The following PARVG variants were observed in gnomAD, a reference collection of about 807,000 sequenced individuals.
PARVG encodes parvin gamma, also known as gamma-parvin.
Under a neutral mutation model 44.4 loss-of-function variants are expected in PARVG, and 36 were observed. That is an observed-to-expected ratio of 0.81 (90% CI 0.62 to 1.07). PARVG has a LOEUF of 1.07. Ranked by LOEUF, PARVG falls within the 50% of genes least tolerant of loss-of-function variation. The pLI is 0.00. For missense variants in PARVG, 407 were observed against 407.4 expected, an observed-to-expected ratio of 1.00 and a Z score of 0.01; for synonymous variants, 170 against 174.1, an observed-to-expected ratio of 0.98 and a Z score of 0.19.
At chr22:44,186,620 G>A (rs1289812034) in intron 4 of PARVG, 16 of 471,072 alleles carry the variant, frequency 3.4e-5, no homozygotes, top group Admixed American at 9.4e-5. Flanking sequence ...GACACCATCT[G>A]TGGTCTTGCC....
chr22:44,180,750 C>T (rs1175298583), upstream of PARVG: 1 of 162,614 alleles, frequency 6.1e-6, no homozygotes, highest in Admixed American at 6.5e-5. Flanking sequence ...TAAGTTTTGT[C>T]ATTTTTTATT....
chr22:44,203,911 C>T (rs1421592349), intron 12 of PARVG, among the ~76,000 whole-genome samples: 3 of 152,226 alleles, frequency 2.0e-5, no homozygotes, highest in South Asian at 2.1e-4. Flanking sequence ...GTGGTGCAAT[C>T]TTGGCTCACT....
At chr22:44,179,099 G>C (rs891885071), upstream of PARVG, among the ~76,000 whole-genome samples, 1 of 150,618 alleles carries the variant, frequency 6.6e-6, no homozygotes. The surrounding 1 kb of genome is among the most constrained non-coding windows in gnomAD (Gnocchi z 4.2). Flanking sequence ...TGGCATATTT[G>C]CACAGGTATA....
intron 5 of PARVG, chr22:44,188,117 T>C (rs2147224810): frequency 1.7e-6 from 1 of 574,348 alleles, no homozygotes; most frequent in Admixed American, 3.0e-5. Flanking sequence ...TGGTGCTCTT[T>C]CTACCACACC....
intron 13 of PARVG, 142 bp downstream of exon 13, chr22:44,205,971 C>T: frequency 9.6e-7 from 1 of 1,042,806 alleles, no homozygotes; most frequent in Non-Finnish European, 1.4e-6. Flanking sequence ...AGAATGGGCG[C>T]TTGCCAAGGT....
At chr22:44,191,080 C>T (rs1250664046) in intron 7 of PARVG, among the ~76,000 whole-genome samples, 1 of 152,200 alleles carries the variant, frequency 6.6e-6, no homozygotes, top group East Asian at 1.9e-4. Context: ...GTGAGATTAC[C>T]GATGGCTGTG....
intron 12 of PARVG, among the ~76,000 whole-genome samples, chr22:44,204,576 G>C (rs1481409834): frequency 6.6e-6 from 1 of 152,252 alleles, no homozygotes; most frequent in African/African-American, 2.4e-5. Context: ...GGGCCAGGCT[G>C]GCGTTTCTGG....
At chr22:44,174,574 CA>C (rs1227165195) in intron 1 of PARVG, among the ~76,000 whole-genome samples, 1 of 150,534 alleles carries the variant, frequency 6.6e-6, no homozygotes, top group African/African-American at 2.4e-5. Context: ...AAAAAACCCA[CA>C]AAAAATAAAA....
chr22:44,186,925 T>C (rs2054480470), intron 4 of PARVG: 1 of 319,470 alleles, frequency 3.1e-6, no homozygotes, highest in African/African-American at 2.2e-5. Context: ...CTGACAACCT[T>C]TAGTGAACAG....
chr22:44,202,943 C>T (rs1490509433), intron 12 of PARVG, among the ~76,000 whole-genome samples: 2 of 152,172 alleles, frequency 1.3e-5, no homozygotes, highest in African/African-American at 4.8e-5. Context: ...AGGATTTGCA[C>T]GTATCCTCCC....
chr22:44,179,738 G>A (rs1019616351), upstream of PARVG, among the ~76,000 whole-genome samples: 1 of 145,292 alleles, frequency 6.9e-6, no homozygotes, highest in Non-Finnish European at 1.5e-5. The surrounding 1 kb of genome is among the most constrained non-coding windows in gnomAD (Gnocchi z 4.2). Flanking sequence ...ATTGTTTCTG[G>A]TAACAAATCC....
rs772857994 is a variant in PARVG at position 44,196,442 on chromosome 22, G to A, written c.711+27G>A. ...TAGGGACTGAGCTGCGGCGTCCCCA[G>A]GCAGGGCAGGGCCACTGGCCGTAGG... On this transcript the variant is annotated intron_variant, in intron 11 of 13. Coordinates refer to ENST00000444313, the MANE Select transcript of PARVG (RefSeq NM_022141.7). 4.3e-6 allele frequency: 7 copies of A among 1,612,608 alleles called. No individual in the cohort carries two copies. In the African/African-American group the frequency reaches 9.3e-5, roughly 22 times the overall value.
intron 6 of PARVG, among the ~76,000 whole-genome samples, chr22:44,190,235 C>T (rs932293848): frequency 8.5e-5 from 13 of 152,184 alleles, no homozygotes; most frequent in African/African-American, 7.2e-5. Flanking sequence ...ATCTAATGAT[C>T]GTTCAGCCAG....
chr22:44,198,438 C>A (rs1413649972), intron 11 of PARVG, among the ~76,000 whole-genome samples, 183 bp from the exon 12 acceptor site: 1 of 152,252 alleles, frequency 6.6e-6, no homozygotes, highest in Non-Finnish European at 1.5e-5. Flanking sequence ...ATATACCAGG[C>A]AGCCTGAAAC....
Position 44,198,735 on chromosome 22 carries a change from A to G in PARVG, c.813+13A>G. The G allele has an allele frequency of 6.3e-7, 1 of 1,585,752 alleles. No individual in the cohort carries two copies. Among genetic ancestry groups the G allele is most frequent in the Non-Finnish European group, 8.7e-7 (1 of 1,154,066 alleles). ...TCCTGCAGAAATGGTAAGTTTTCCA[A>G]GGATTTTTCTTTATGGTCTACCTCT... On this transcript the variant is annotated intron_variant, in intron 12 of 13. Transcript: ENST00000444313.
chr22:44,185,809 A>T lies in PARVG; in HGVS notation c.81A>T (p.Gly27=), dbSNP rs1484941316. Residue 27 remains glycine (G), a splice_region_variant and synonymous_variant, in exon 4 of 14, where the codon GGA becomes GGT. Coordinates refer to ENST00000444313, the MANE Select transcript of PARVG (RefSeq NM_022141.7). ...EPPAEEELSK[G]GKKKYLPPTS... ...TTGTCATACCCACTCTGCTTCCAGG[A>T]GGAAAGAAGAAATACCTGCCACCCA... 1.2e-6 allele frequency: 2 copies of T among 1,613,026 alleles called. No individual in the cohort carries two copies. Among genetic ancestry groups the T allele is most frequent in the African/African-American group, 2.7e-5 (2 of 74,856 alleles).
chr22:44,198,590 A>G (rs371686426), intron 11 of PARVG, 31 bp from the exon 12 acceptor site: 67 of 1,538,586 alleles, frequency 4.4e-5, no homozygotes, highest in Non-Finnish European at 5.8e-5. Flanking sequence ...GGCTTCTTCC[A>G]TGTGATTGTC....
Position 44,206,583 on chromosome 22 carries a change from C to T in PARVG, c.*157C>T. On this transcript the variant is annotated 3_prime_UTR_variant, in exon 14 of 14. Coordinates refer to ENST00000444313, the MANE Select transcript of PARVG (RefSeq NM_022141.7). ...TCTCCATCGTTGGATTATCTTTGAA[C>T]CCCCTTGTGTGGATCATTTTGAGCC... 1.5e-6 allele frequency: 1 copy of T among 682,350 alleles called. No individual in the cohort carries two copies. Among genetic ancestry groups the T allele is most frequent in the Non-Finnish European group, 2.6e-6 (1 of 387,112 alleles). The allele number at this position is 682,350 out of a possible 1,614,324, so 42.3% of individuals were successfully genotyped here. A position where few individuals can be genotyped will look rare whatever the true frequency, so the allele number is the denominator to read the frequency against.
upstream of PARVG, among the ~76,000 whole-genome samples, chr22:44,179,538 C>T (rs931028154): frequency 6.6e-6 from 1 of 152,196 alleles, no homozygotes; most frequent in Non-Finnish European, 1.5e-5. This position sits in a 1 kb window ranked among gnomAD's most constrained non-coding sequence, Gnocchi z 4.2. Context: ...CGTATGGAAG[C>T]CACAACTCTG....
Sources: allele counts gnomAD v4.1 joint callset (sites outside exome capture counted in the v4.1 genomes callset), GRCh38; gene constraint gnomAD v4.1.1; non-coding constraint Gnocchi (gnomAD v3.1); transcripts MANE v1.5; gene names NCBI Gene and HGNC (gene_info 2026-07-23, HGNC 2026-07-21).